The following EMP1 variants were observed in gnomAD, a reference collection of about 807,000 sequenced individuals.
The protein encoded by EMP1 is epithelial membrane protein 1.
A neutral mutation model predicts 15.7 loss-of-function variants in EMP1; 5 were observed. The ratio of observed to expected loss-of-function variants is 0.32; its 90% CI spans 0.17 to 0.67. The LOEUF (loss-of-function observed/expected upper bound fraction) is 0.67. Among genes scored for constraint, EMP1 ranks in the 30% least tolerant of loss-of-function variants. The probability of loss-of-function intolerance (pLI) is 0.74; values close to 1 mark genes in which losing one functional copy is unlikely to be tolerated. For missense variants in EMP1, 166 were observed against 194.2 expected (o/e 0.85, Z 0.86); for synonymous variants, 78 against 76.7 (o/e 1.02, Z -0.09).
rs1864162488 is a variant in EMP1, at chr12:13,211,276, T to C, written c.-42-193T>C. ...AATTCTGTTTCCATGTAGGTATGTA[T>C]AACTGGATGAATAGGCACTTAGGCA... On this transcript the variant is annotated intron_variant, in intron 1 of 4. Coordinates refer to ENST00000256951, the MANE Select transcript of EMP1 (RefSeq NM_001423.3). The surrounding 1 kb of genome is among the most constrained non-coding windows in gnomAD (Gnocchi z 4.7). Among the ~76,000 whole-genome samples the C allele has an allele frequency of 1.3e-5, 2 of 152,338 alleles. No homozygotes were observed. Among genetic ancestry groups the C allele is most frequent in the South Asian group, 4.1e-4 (2 of 4,824 alleles).
rs1429176711 is a variant in EMP1, at chr12:13,214,548, G to A, written c.331G>A (p.Val111Met). The A allele has an allele frequency of 6.2e-7, 1 of 1,614,016 alleles. No individual in the cohort carries two copies. Among genetic ancestry groups the A allele is most frequent in the Non-Finnish European group, 8.5e-7 (1 of 1,179,988 alleles). ...TTLVCWLCIL[V>M]GVSIYTSHYA... ...TTCCCCTGCAGGGCTGTGCATTCTT[G>A]TGGGGGTGTCCATCTACACTAGTCA... is the stretch of plus-strand genomic sequence containing the variant. The change falls in exon 5 of 5, where the codon GTG (valine) becomes ATG (methionine). Residue 111 changes from valine (V) to methionine (M), a missense_variant. By Grantham distance (21) the Val-to-Met change is conservative (BLOSUM62 1). Transcript: ENST00000256951.
At chr12:13,203,708 A>G (rs907991981) in intron 1 of EMP1, among the ~76,000 whole-genome samples, 2 of 152,230 alleles carry the variant, frequency 1.3e-5, no homozygotes, top group Non-Finnish European at 2.9e-5. Context: ...TGAGGTCTAC[A>G]GGTCACAGTT....
intron 1 of EMP1, among the ~76,000 whole-genome samples, chr12:13,204,248 A>G (rs758648552): frequency 4.6e-5 from 7 of 152,142 alleles, no homozygotes; most frequent in African/African-American, 1.2e-4. Flanking sequence ...TCCCACGGAG[A>G]AATTAATCCC....
rs192245315 is a variant in EMP1, at chr12:13,216,752, A to C, written c.*2061A>C. ...AAATGTTTATAACTCTAGGGATATA[A>C]AAACAGATTCTGATTCCCTTCATTG... On this transcript the variant is annotated 3_prime_UTR_variant, in exon 5 of 5. Coordinates refer to ENST00000256951, the MANE Select transcript of EMP1 (RefSeq NM_001423.3). The C allele has an allele frequency of 3.4e-6, 1 of 290,028 alleles. No individual in the cohort carries two copies. Among genetic ancestry groups the C allele is most frequent in the East Asian group, 6.0e-5 (1 of 16,632 alleles). The allele number at this position is 290,028 out of a possible 1,614,324, so 18.0% of individuals were successfully genotyped here.
rs771073407 is a variant in EMP1, at chr12:13,218,576, C to G, written c.*3885C>G. ...AAGATGTATCATTTGGAGGTAGACACGATTTTCAGAGCACAAAACAGATAA... is the reference window on the plus strand; with the variant it reads ...AAGATGTATCATTTGGAGGTAGACAGGATTTTCAGAGCACAAAACAGATAA... On this transcript the variant is annotated 3_prime_UTR_variant, in exon 5 of 5. Coordinates refer to ENST00000256951, the MANE Select transcript of EMP1 (RefSeq NM_001423.3). The G allele has an allele frequency of 6.6e-6, 1 of 152,018 alleles. No individual in the cohort carries two copies. The highest frequency in any genetic ancestry group is 2.1e-4 in the South Asian group (1 of 4,818). 9.4% of individuals were successfully genotyped at this position (152,018 alleles called of 1,614,324 possible).
rs758560645 is a variant in EMP1, at chr12:13,213,908, T to C, written c.316+87T>C. ...CTGGCAACTTGAACAGATTAGCACA[T>C]GGTTCAGTGAAACTTCCTTGTGCAA... On this transcript the variant is annotated intron_variant, in intron 4 of 4. Transcript: ENST00000256951. The C allele has an allele frequency of 5.7e-6, 9 of 1,565,894 alleles. No homozygotes were observed. The African/African-American group carries it at 9.4e-5, about 16-fold the overall frequency.
At chr12:13,206,780 A>C (rs1434113521) in intron 1 of EMP1, among the ~76,000 whole-genome samples, 1 of 152,170 alleles carries the variant, frequency 6.6e-6, no homozygotes, top group Non-Finnish European at 1.5e-5. Flanking sequence ...CTGCAGATTT[A>C]GTTACCCACC....
In EMP1 at chr12:13,213,569, A is replaced by C; in HGVS notation, c.169A>C (p.Ser57Arg). 6.2e-7 allele frequency: 1 copy of C among 1,614,154 alleles called. No individual in the cohort carries two copies. ...CTGCAGTGACAGCCTGTCATATGCC[A>C]GTGAAGGTATATATAAAGATATTGA... The part of the protein sequence containing the change: ...ISCSDSLSYA[S>R]EDALKTVQAF... The change falls in exon 3 of 5, where the codon AGT becomes CGT. Residue 57 changes from serine (S) to arginine (R), a missense_variant. Coordinates refer to ENST00000256951, the MANE Select transcript of EMP1 (RefSeq NM_001423.3).
rs2121159069 is a variant in EMP1, at chr12:13,211,389, T to G, written c.-42-80T>G. 1 of 918,944 alleles carries G rather than the reference T, an allele frequency of 1.1e-6. No homozygotes were observed. The highest frequency in any genetic ancestry group is 2.4e-5 in the East Asian group (1 of 41,230). The allele number at this position is 918,944 out of a possible 1,614,324, so 56.9% of individuals were successfully genotyped here. ...TGCAGCTCTTCCTCATGTTAGCAGATAGCCCACACGTGTGGGAAAGCTGAG... is the reference window on the plus strand; with the variant it reads ...TGCAGCTCTTCCTCATGTTAGCAGAGAGCCCACACGTGTGGGAAAGCTGAG... On this transcript the variant is annotated intron_variant, in intron 1 of 4. Transcript: ENST00000256951. The surrounding 1 kb of genome is among the most constrained non-coding windows in gnomAD (Gnocchi z 4.7).
At position 13,216,649 on chromosome 12, in the gene EMP1, G is replaced by A. The variant is rs1325114928; in HGVS notation, c.*1958G>A. On this transcript the variant is annotated 3_prime_UTR_variant, in exon 5 of 5. Coordinates refer to ENST00000256951, the MANE Select transcript of EMP1 (RefSeq NM_001423.3). ...GTCTCATGTAATTTGCATTACTCTG[G>A]TGGATTGTTCTAGTACTGTATTGGG... The A allele has an allele frequency of 1.7e-6, 1 of 596,764 alleles. No individual in the cohort carries two copies. The highest frequency in any genetic ancestry group is 1.9e-5 in the African/African-American group (1 of 53,598). The allele number at this position is 596,764 out of a possible 1,614,324, so 37.0% of individuals were successfully genotyped here. A position where few individuals can be genotyped will look rare whatever the true frequency, so the allele number is the denominator to read the frequency against.
At chr12:13,204,133 T>A (rs1367402615) in intron 1 of EMP1, among the ~76,000 whole-genome samples, 1 of 152,172 alleles carries the variant, frequency 6.6e-6, no homozygotes, top group African/African-American at 2.4e-5. Flanking sequence ...TGCCCTGTAT[T>A]TTCCAACATC....
In EMP1 at chr12:13,216,474, C is replaced by T. The variant is rs922631863; in HGVS notation, c.*1783C>T. On this transcript the variant is annotated 3_prime_UTR_variant, in exon 5 of 5. Coordinates refer to ENST00000256951, the MANE Select transcript of EMP1 (RefSeq NM_001423.3). Reference sequence around the variant, plus strand: ...CTTTGTCATTATGATTTCATTATCACATGATTATAGAAGGCTGTCTTAGTG... The same window carrying T: ...CTTTGTCATTATGATTTCATTATCATATGATTATAGAAGGCTGTCTTAGTG... 2 of 702,462 alleles carry T rather than the reference C, an allele frequency of 2.8e-6. No homozygotes were observed. Among genetic ancestry groups the T allele is most frequent in the Non-Finnish European group, 5.2e-6 (2 of 384,714 alleles). 43.5% of individuals were successfully genotyped at this position (702,462 alleles called of 1,614,324 possible).
chr12:13,207,759 T>A (rs1864124766), intron 1 of EMP1, among the ~76,000 whole-genome samples: 1 of 152,172 alleles, frequency 6.6e-6, no homozygotes, highest in African/African-American at 2.4e-5. Context: ...CATCCTCCAC[T>A]CACAGTGGTG....
chr12:13,197,609 C>T (rs976977093), intron 1 of EMP1, among the ~76,000 whole-genome samples: 1 of 151,912 alleles, frequency 6.6e-6, no homozygotes, highest in African/African-American at 2.4e-5. Flanking sequence ...AACCCTGTCT[C>T]TACTAAAATA....
At chr12:13,197,104 C>A (rs1440611518) in intron 1 of EMP1, among the ~76,000 whole-genome samples, 1 of 152,152 alleles carries the variant, frequency 6.6e-6, no homozygotes, top group Admixed American at 6.5e-5. Context: ...CTGGGGAAAT[C>A]AATGGGATGG....
rs79242650 is a variant in EMP1, at chr12:13,211,209, T to G, written c.-42-260T>G. ...TTCTTGTTCCTTTTTTGAAATAGAA[T>G]GTATTAGAGAAATGAATATGTAAAT... is the stretch of plus-strand genomic sequence containing the variant. On this transcript the variant is annotated intron_variant, in intron 1 of 4. Coordinates refer to ENST00000256951, the MANE Select transcript of EMP1 (RefSeq NM_001423.3). The surrounding 1 kb of genome is among the most constrained non-coding windows in gnomAD (Gnocchi z 4.7). Among the ~76,000 whole-genome samples the G allele has an allele frequency of 0.048, 7,304 of 152,260 alleles. 575 individuals are homozygous for G. The highest frequency in any genetic ancestry group is 0.17 in the African/African-American group (6,883 of 41,536).
intron 1 of EMP1, among the ~76,000 whole-genome samples, chr12:13,201,508 C>T (rs986605195): frequency 6.6e-6 from 1 of 152,152 alleles, no homozygotes; most frequent in Admixed American, 6.5e-5. Flanking sequence ...ATATCCCTTG[C>T]GCTGATGCTA....
chr12:13,213,434 A>G lies in EMP1; in HGVS notation c.79-45A>G, dbSNP rs762380725. 3 of 1,552,274 alleles carry G rather than the reference A, an allele frequency of 1.9e-6. No individual in the cohort carries two copies. The South Asian group carries it at 3.4e-5, about 17-fold the overall frequency. On this transcript the variant is annotated intron_variant, in intron 2 of 4. Coordinates refer to ENST00000256951, the MANE Select transcript of EMP1 (RefSeq NM_001423.3). ...TGATTTGTTATTTTATTTTTAAATC[A>G]GAGGGCCAGCTTTCAATTAACATTT...
chr12:13,214,259 G>C (rs1200628192), intron 4 of EMP1: 3 of 596,614 alleles, frequency 5.0e-6, no homozygotes, highest in Non-Finnish European at 8.9e-6. Flanking sequence ...GGGCCAGACA[G>C]GACAGCTGGG....
Sources: allele counts gnomAD v4.1 joint callset (sites outside exome capture counted in the v4.1 genomes callset), GRCh38; gene constraint gnomAD v4.1.1; non-coding constraint Gnocchi (gnomAD v3.1); transcripts MANE v1.5; gene names NCBI Gene and HGNC (gene_info 2026-07-23, HGNC 2026-07-21).